EMG1: variants seen among roughly 807,000 people sequenced by gnomAD.
EMG1 encodes EMG1 N1-specific pseudouridine methyltransferase.
In EMG1, 24 loss-of-function variants were observed where a neutral mutation model predicts 26.9. The observed-to-expected ratio is 0.89, with a 90% confidence interval of 0.65 to 1.26. The LOEUF (loss-of-function observed/expected upper bound fraction) is 1.26. EMG1 is among the 50% of genes most tolerant of loss of function. The pLI is 0.00. For synonymous variants in EMG1, 140 were observed against 112.6 expected (o/e 1.24, Z -1.54); for missense variants, 299 against 307.6 (o/e 0.97, Z 0.21).
In EMG1 at chr12:6,978,140, A is replaced by G; in HGVS notation, c.*2331A>G. The G allele has an allele frequency of 3.2e-6, 2 of 633,610 alleles. No individual in the cohort carries two copies. The highest frequency in any genetic ancestry group is 2.7e-5 in the East Asian group (1 of 36,378). The allele number at this position is 633,610 out of a possible 1,614,324, so 39.2% of individuals were successfully genotyped here. On this transcript the variant is annotated 3_prime_UTR_variant, in exon 6 of 6. Coordinates refer to ENST00000599672, the MANE Select transcript of EMG1 (RefSeq NM_006331.8). ...CACCCAGGTCTTAACGCACTTTTATATCTTGCCTTTTTTTCAAATATGACA... is the reference window on the plus strand; with the variant it reads ...CACCCAGGTCTTAACGCACTTTTATGTCTTGCCTTTTTTTCAAATATGACA...
intron 1 of EMG1, among the ~76,000 whole-genome samples, chr12:6,971,596 G>A (rs1288739056): frequency 1.3e-5 from 2 of 152,062 alleles, no homozygotes; most frequent in Non-Finnish European, 2.9e-5. Context: ...ATTTTCTTTT[G>A]CTCTTTTTGA....
In EMG1 at chr12:6,978,707, C is replaced by CATT; in HGVS notation, c.*2899_*2900insTTA. ...GGGTGGTTCTTGAGGGAAGAAAGCA[C>CATT]AGTGCATTAGGGATATCACATGACT... On this transcript the variant is annotated 3_prime_UTR_variant, in exon 6 of 6. Transcript: ENST00000599672. 1.2e-6 allele frequency: 2 copies of CATT among 1,613,822 alleles called. No homozygotes were observed. Among genetic ancestry groups the CATT allele is most frequent in the South Asian group, 2.2e-5 (2 of 91,018 alleles).
In EMG1 at chr12:6,970,996, C is replaced by T. The variant is rs781925110; in HGVS notation, c.73C>T (p.Leu25=). The change falls in exon 1 of 6, where the codon CTG becomes TTG. Residue 25 remains leucine, a synonymous_variant. Transcript: ENST00000599672. ...GGAGCAGGCACAGGACTGGGATGCT[C>T]TGCCACCCAAGCGGCCCCGACTAGG... ...GGEQAQDWDA[L]PPKRPRLGAG... is the part of the protein sequence containing the mutation. 6.2e-6 allele frequency: 10 copies of T among 1,612,200 alleles called. No individual in the cohort carries two copies. Among genetic ancestry groups the T allele is most frequent in the Middle Eastern group, 1.6e-4 (1 of 6,084 alleles).
downstream of EMG1, among the ~76,000 whole-genome samples, chr12:6,984,476 T>G (rs1946502438): frequency 6.6e-6 from 1 of 152,242 alleles, no homozygotes; most frequent in Non-Finnish European, 1.5e-5. Context: ...CTAGTGCATA[T>G]GTGGAGGATG....
At chr12:6,972,134 TTG>T (rs1318107578) in intron 1 of EMG1, among the ~76,000 whole-genome samples, 1 of 151,544 alleles carries the variant, frequency 6.6e-6, no homozygotes, top group Non-Finnish European at 1.5e-5. Flanking sequence ...TGGCACGATC[TTG>T]GCTCACTGCA....
Position 6,974,606 on chromosome 12 carries a change from T to C in EMG1, c.325T>C (p.Tyr109His). ...PLNRAGLLQV[Y>H]IHTQKNVLIE... ...GAACCGAGCTGGCTTGCTACAGGTT[T>C]ATATCCATACACAGAAGAATGTTCT... The change falls in exon 3 of 6, where the codon TAT becomes CAT. Residue 109 changes from tyrosine (Y) to histidine (H), a missense_variant. Tyr to His is a moderately conservative substitution (Grantham distance 83). Transcript: ENST00000599672. The C allele has an allele frequency of 6.2e-7, 1 of 1,614,000 alleles. No homozygotes were observed. The highest frequency in any genetic ancestry group is 8.5e-7 in the Non-Finnish European group (1 of 1,179,882).
Position 6,976,120 on chromosome 12 carries a change from G to A in EMG1, c.*311G>A, listed in dbSNP as rs782306088. On this transcript the variant is annotated 3_prime_UTR_variant, in exon 6 of 6. Transcript: ENST00000599672. ...GGCTTTAGCTCCCAGATTCCCATGTGCTAAAGGAGAGAACCCTGATGATGG... is the reference window on the plus strand; with the variant it reads ...GGCTTTAGCTCCCAGATTCCCATGTACTAAAGGAGAGAACCCTGATGATGG... 2 of 271,288 alleles carry A rather than the reference G, an allele frequency of 7.4e-6. No individual in the cohort carries two copies. The highest frequency in any genetic ancestry group is 9.5e-5 in the Admixed American group (2 of 20,966). 16.8% of individuals were successfully genotyped at this position (271,288 alleles called of 1,614,324 possible). A position where few individuals can be genotyped will look rare whatever the true frequency, so the allele number is the denominator to read the frequency against.
In EMG1 at chr12:6,978,639, A is replaced by G; in HGVS notation, c.*2830A>G. 6.2e-7 allele frequency: 1 copy of G among 1,614,204 alleles called. No individual in the cohort carries two copies. The highest frequency in any genetic ancestry group is 1.3e-5 in the African/African-American group (1 of 75,056). On this transcript the variant is annotated 3_prime_UTR_variant, in exon 6 of 6. Transcript: ENST00000599672. ...AACAGGTGACATATTTGTACAGCAC[A>G]AACTTGCCCCAGATCAGCATGTACA...
At chr12:6,989,406 T>C (rs979001934), downstream of EMG1, among the ~76,000 whole-genome samples, 1 of 149,114 alleles carries the variant, frequency 6.7e-6, no homozygotes, top group African/African-American at 2.5e-5. Flanking sequence ...GCCTCCCGGG[T>C]TCACGCCATT....
At chr12:6,985,089 TAA>T (rs10559240) in intron 6 of EMG1, among the ~76,000 whole-genome samples, 10,202 of 112,656 alleles carry the variant, frequency 0.091, 551 homozygotes, top group African/African-American at 0.14. Flanking sequence ...CCCCATACAT[TAA>T]AAAAAAAAAA....
intron 1 of EMG1, 48 bp downstream of exon 1, chr12:6,971,139 C>T (rs782522824): frequency 3.0e-5 from 46 of 1,515,964 alleles, no homozygotes; most frequent in Non-Finnish European, 3.7e-5. Context: ...TAGGTTGGGA[C>T]TCCGTGGAAT....
chr12:6,982,587 G>A, downstream of EMG1: 1 of 959,802 alleles, frequency 1.0e-6, no homozygotes, highest in Non-Finnish European at 1.6e-6. Flanking sequence ...AATTAGGTCT[G>A]CTAATTTCTA....
intron 1 of EMG1, among the ~76,000 whole-genome samples, chr12:6,971,962 TTCC>T (rs1378680155): frequency 2.9e-4 from 44 of 152,336 alleles, no homozygotes; most frequent in African/African-American, 1.1e-3. Context: ...GGCAGTGTTC[TTCC>T]TCCTCCTTTC....
chr12:6,980,975 C>T (rs782302429), downstream of EMG1: 6 of 1,545,904 alleles, frequency 3.9e-6, no homozygotes, highest in South Asian at 1.3e-5. Context: ...AATACCTACA[C>T]AAACATCTGG....
chr12:6,982,473 A>C (rs1236044733), downstream of EMG1, among the ~76,000 whole-genome samples: 1 of 152,212 alleles, frequency 6.6e-6, no homozygotes, highest in Non-Finnish European at 1.5e-5. Flanking sequence ...CCCTTCCTTG[A>C]GGCAGGCAAA....
In EMG1 at chr12:6,975,349, T is replaced by A; in HGVS notation, c.592T>A (p.Phe198Ile). Residue 198 changes from phenylalanine to isoleucine, a missense_variant, in exon 5 of 6, where the codon TTT becomes ATT. Physicochemically the swap from Phe to Ile is conservative, Grantham distance 21. Coordinates refer to ENST00000599672, the MANE Select transcript of EMG1 (RefSeq NM_006331.8). ...ELVPSSDPIV[F>I]VVGAFAHGKV... The stretch of plus-strand genomic sequence containing the variant: ...GGTGCCCAGCAGTGATCCTATTGTT[T>A]TTGTGGTAGGGGCCTTTGCCCATGG... 6.2e-7 allele frequency: 1 copy of A among 1,605,490 alleles called. No homozygotes were observed.
At chr12:6,995,771 A>T (rs964121199) in intron 7 of EMG1, among the ~76,000 whole-genome samples, 1 of 152,076 alleles carries the variant, frequency 6.6e-6, no homozygotes, top group Admixed American at 6.6e-5. Context: ...TGACTACTCA[A>T]CAGAGTCAGC....
Position 6,974,458 on chromosome 12 carries a change from G to A in EMG1, c.270+18G>A, listed in dbSNP as rs1946369047. On this transcript the variant is annotated intron_variant, in intron 2 of 5. Coordinates refer to ENST00000599672, the MANE Select transcript of EMG1 (RefSeq NM_006331.8). The stretch of plus-strand genomic sequence containing the variant: ...CCCACCAGGTAACTCCAGGGACAGT[G>A]CTCACAACCCTTTGAGCCTCTGTAT... The A allele has an allele frequency of 6.2e-7, 1 of 1,610,588 alleles. No individual in the cohort carries two copies. The highest frequency in any genetic ancestry group is 1.7e-5 in the Admixed American group (1 of 59,908).
At chr12:6,985,162 C>T (rs977189564) in intron 6 of EMG1, among the ~76,000 whole-genome samples, 31 of 145,696 alleles carry the variant, frequency 2.1e-4, no homozygotes, top group South Asian at 1.9e-3. Flanking sequence ...GAGGCTGAGA[C>T]GGGCGGATCA....
Sources: gnomAD v4.1 joint callset for allele counts (sites outside exome capture counted in the v4.1 genomes callset) on GRCh38, gnomAD v4.1.1 for gene constraint, MANE v1.5 for transcripts, NCBI Gene and HGNC (gene_info 2026-07-23, HGNC 2026-07-21) for gene names.